The following CTDSPL2 variants were observed in gnomAD, a reference collection of about 807,000 sequenced individuals.
CTDSPL2 encodes the protein CTD small phosphatase like 2, also known as CTD small phosphatase-like protein 2.
Under a neutral mutation model 60.0 loss-of-function variants are expected in CTDSPL2, and 5 were observed. The ratio of observed to expected loss-of-function variants is 0.08; its 90% CI spans 0.04 to 0.18. The LOEUF (loss-of-function observed/expected upper bound fraction) is 0.18. Ranked by LOEUF, CTDSPL2 falls within the 10% of genes least tolerant of loss-of-function variation. CTDSPL2 has a pLI of 1.00. For missense variants in CTDSPL2, 370 were observed against 548.8 expected (o/e 0.67, Z 3.26); for synonymous variants, 186 against 189.3 (o/e 0.98, Z 0.14).
intron 8 of CTDSPL2, among the ~76,000 whole-genome samples, chr15:44,506,852 C>T (rs1474438578): frequency 3.3e-5 from 5 of 152,072 alleles, no homozygotes; most frequent in East Asian, 1.9e-4. Flanking sequence ...CTGCCAGCTC[C>T]GCCTCCCAGG....
At chr15:44,499,223 G>A (rs543197563) in intron 7 of CTDSPL2, among the ~76,000 whole-genome samples, 1 of 152,020 alleles carries the variant, frequency 6.6e-6, no homozygotes, top group African/African-American at 2.4e-5. Context: ...TGACCAACAT[G>A]GTGAAACCCT....
chr15:44,428,049 C>T (rs1296310212), intron 1 of CTDSPL2: 3 of 196,336 alleles, frequency 1.5e-5, no homozygotes, highest in Non-Finnish European at 3.1e-5. Flanking sequence ...TTTCACTTTG[C>T]TACCCACCCC....
chr15:44,446,183 C>G (rs929750905), intron 1 of CTDSPL2, among the ~76,000 whole-genome samples: 2 of 152,094 alleles, frequency 1.3e-5, no homozygotes, highest in Non-Finnish European at 2.9e-5. Context: ...CTCGACCTCC[C>G]AAAGTGCTGG....
At chr15:44,502,722 T>C (rs1392160672) in intron 8 of CTDSPL2, among the ~76,000 whole-genome samples, 2 of 152,216 alleles carry the variant, frequency 1.3e-5, no homozygotes, top group African/African-American at 4.8e-5. Flanking sequence ...AAATTGTAAG[T>C]AGAAGTAAGT....
At chr15:44,516,222 C>T (rs895445774) in intron 10 of CTDSPL2, among the ~76,000 whole-genome samples, 2 of 152,060 alleles carry the variant, frequency 1.3e-5, no homozygotes, top group Non-Finnish European at 2.9e-5. Flanking sequence ...CCCACTTTGG[C>T]CTCCCAAACT....
chr15:44,484,597 A>G (rs2081087157), intron 3 of CTDSPL2, among the ~76,000 whole-genome samples: 1 of 152,126 alleles, frequency 6.6e-6, no homozygotes, highest in East Asian at 1.9e-4. Flanking sequence ...AAAATTAGCC[A>G]GGCGTGGTGG....
chr15:44,483,333 G>A (rs1466458800), intron 2 of CTDSPL2, among the ~76,000 whole-genome samples: 1 of 150,904 alleles, frequency 6.6e-6, no homozygotes, highest in Non-Finnish European at 1.5e-5. Context: ...AAATGAGGCT[G>A]GTCACAGTGG....
chr15:44,495,574 T>C (rs2081285247), intron 5 of CTDSPL2, among the ~76,000 whole-genome samples: 1 of 150,248 alleles, frequency 6.7e-6, no homozygotes, highest in South Asian at 2.1e-4. Context: ...GAGATCATAG[T>C]CTTGAGATTC....
chr15:44,485,241 GCTGTTGATAAA>G (rs2081098212), intron 3 of CTDSPL2, among the ~76,000 whole-genome samples: 1 of 152,188 alleles, frequency 6.6e-6, no homozygotes, highest in Admixed American at 6.5e-5. Flanking sequence ...CAATACTGCC[GCTGTTGATAAA>G]CTCTGTCAAT....
intron 1 of CTDSPL2, among the ~76,000 whole-genome samples, chr15:44,443,266 T>A (rs548388462): frequency 1.3e-5 from 2 of 152,324 alleles, no homozygotes; most frequent in East Asian, 3.9e-4. Flanking sequence ...GAATACTACT[T>A]AATTGTGTGT....
At chr15:44,498,876 A>C (rs1016541663) in intron 7 of CTDSPL2, among the ~76,000 whole-genome samples, 1 of 152,148 alleles carries the variant, frequency 6.6e-6, no homozygotes, top group Non-Finnish European at 1.5e-5. Flanking sequence ...GTAAAATTAC[A>C]TGAAACGTAA....
intron 2 of CTDSPL2, among the ~76,000 whole-genome samples, chr15:44,481,815 C>T (rs1007781941): frequency 1.3e-5 from 2 of 152,252 alleles, no homozygotes; most frequent in African/African-American, 4.8e-5. Flanking sequence ...TCAGGTGATC[C>T]GCCTGCCTCG....
At chr15:44,481,300 C>T (rs756527394) in intron 2 of CTDSPL2, among the ~76,000 whole-genome samples, 1 of 152,102 alleles carries the variant, frequency 6.6e-6, no homozygotes, top group African/African-American at 2.4e-5. Context: ...TTTTTGTAAC[C>T]TGAAGTATTT....
chr15:44,474,684 C>T (rs1237481807), intron 2 of CTDSPL2, among the ~76,000 whole-genome samples: 1 of 151,858 alleles, frequency 6.6e-6, no homozygotes, highest in Non-Finnish European at 1.5e-5. Context: ...AGTGAAACTC[C>T]ATCTCTACTA....
chr15:44,453,369 A>G (rs968923010), intron 1 of CTDSPL2, among the ~76,000 whole-genome samples: 4 of 152,154 alleles, frequency 2.6e-5, no homozygotes, highest in Middle Eastern at 3.4e-3. Context: ...GATTTGATCA[A>G]ATGCTTTTTC....
Position 44,448,100 on chromosome 15 carries a change from C to T in CTDSPL2, c.-24-10891C>T, listed in dbSNP as rs13380361. ...TGATCCATCATGGGGCTCATGTGCT[C>T]CAGGCCAGCCCCCATACCTGCAGGA... On this transcript the variant is annotated intron_variant, in intron 1 of 12. Transcript: ENST00000260327. 21 of 249,876 alleles carry T rather than the reference C, an allele frequency of 8.4e-5. No homozygotes were observed. The South Asian group carries it at 9.0e-4, about 11-fold the overall frequency. 15.5% of individuals were successfully genotyped at this position (249,876 alleles called of 1,614,324 possible).
chr15:44,510,102 C>T (rs1444327587), intron 8 of CTDSPL2, among the ~76,000 whole-genome samples: 2 of 151,778 alleles, frequency 1.3e-5, no homozygotes, highest in Non-Finnish European at 2.9e-5. Flanking sequence ...TCTCCGGTCT[C>T]AGCCTCCCCA....
rs572714993 is a variant in CTDSPL2, at chr15:44,438,560, A to G, written c.-25+10788A>G. 9.8e-5 allele frequency among the ~76,000 whole-genome samples: 15 copies of G among 152,298 alleles called. No individual in the cohort carries two copies. In the East Asian group the frequency reaches 2.7e-3, roughly 27 times the overall value. On this transcript the variant is annotated intron_variant, in intron 1 of 12. Transcript: ENST00000260327. ...TGGCTTCTAAGTTTCTGGCTTGGCTAGTTAGGTAGATGGTAGTAGCATTAC... is the reference window on the plus strand; with the variant it reads ...TGGCTTCTAAGTTTCTGGCTTGGCTGGTTAGGTAGATGGTAGTAGCATTAC...
Position 44,486,567 on chromosome 15 carries a change from A to C in CTDSPL2, c.342A>C (p.Glu114Asp), listed in dbSNP as rs1353604917. The C allele has an allele frequency of 3.2e-6, 5 of 1,569,636 alleles. No homozygotes were observed. The highest frequency in any genetic ancestry group is 3.4e-6 in the Non-Finnish European group (4 of 1,162,778). Residue 114 changes from glutamate (E) to aspartate (D), a missense_variant, in exon 4 of 13, where the codon GAA (glutamate) becomes GAC (aspartate). Transcript: ENST00000260327. Reference sequence around the variant, plus strand: ...CTTTTTTAGAAGCTGGTAGTTATGAAATGACAAATCAACATGTAAAACAAA... The same window carrying C: ...CTTTTTTAGAAGCTGGTAGTTATGACATGACAAATCAACATGTAAAACAAA... ...SQVNGEAGSY[E>D]MTNQHVKQNG...
Sources: allele counts gnomAD v4.1 joint callset (sites outside exome capture counted in the v4.1 genomes callset), GRCh38; gene constraint gnomAD v4.1.1; transcripts MANE v1.5; gene names NCBI Gene and HGNC (gene_info 2026-07-23, HGNC 2026-07-21).